Variants in PXDNL observed in about 807,000 individuals in gnomAD.
PXDNL encodes probable oxidoreductase PXDNL.
In PXDNL, 145 loss-of-function variants were observed where a neutral mutation model predicts 150.8. The ratio of observed to expected loss-of-function variants is 0.96; its 90% CI spans 0.84 to 1.10. PXDNL has a LOEUF of 1.10. Among genes scored for constraint, PXDNL ranks in the 50% least tolerant of loss-of-function variants. The probability of loss-of-function intolerance (pLI) is 0.00; values close to 1 mark genes in which losing one functional copy is unlikely to be tolerated. For missense variants in PXDNL, 2,087 were observed against 1,873.9 expected, an observed-to-expected ratio of 1.11 and a Z score of -2.10; for synonymous variants, 757 against 725.7, an observed-to-expected ratio of 1.04 and a Z score of -0.69.
intron 14 of PXDNL, among the ~76,000 whole-genome samples, chr8:51,416,281 A>C (rs1025814885): frequency 1.3e-5 from 2 of 152,260 alleles, no homozygotes; most frequent in Non-Finnish European, 2.9e-5. Flanking sequence ...TTGAGATGCC[A>C]AAACTTAAAA....
In PXDNL at chr8:51,563,591, T is replaced by C. The variant is rs1220043000; in HGVS notation, c.309-6680A>G. On this transcript the variant is annotated intron_variant, in intron 3 of 22. Transcript: ENST00000356297. ...AGTAACAGAGATTCTGAATGGACTC[T>C]ATTTACCCCAAATGGTAAATTTACC... 2.0e-5 allele frequency among the ~76,000 whole-genome samples: 3 copies of C among 152,016 alleles called. No individual in the cohort carries two copies. In the South Asian group the frequency reaches 6.2e-4, roughly 31 times the overall value.
chr8:51,509,743 C>T (rs3097698), intron 4 of PXDNL, among the ~76,000 whole-genome samples: 5,646 of 50,284 alleles, frequency 0.11, 142 homozygotes, highest in African/African-American at 0.29. Context: ...TACATATATA[C>T]ACACACACAC....
intron 12 of PXDNL, among the ~76,000 whole-genome samples, chr8:51,431,269 AAAAC>A (rs1809239963): frequency 6.6e-6 from 1 of 152,172 alleles, no homozygotes; most frequent in South Asian, 2.1e-4. Context: ...ATACCTAGGA[AAAAC>A]AGGCCCTTCC....
At chr8:51,579,854 T>C (rs1004473261) in intron 3 of PXDNL, among the ~76,000 whole-genome samples, 1 of 151,922 alleles carries the variant, frequency 6.6e-6, no homozygotes, top group African/African-American at 2.4e-5. Flanking sequence ...ATGATGCTGA[T>C]GAAAAAAGGC....
intron 12 of PXDNL, chr8:51,436,251 G>T (rs1809405348): frequency 2.0e-6 from 1 of 510,654 alleles, no homozygotes. Flanking sequence ...ATAGGATATG[G>T]TTTCAGAAGT....
At chr8:51,553,230 G>A (rs936461771) in intron 4 of PXDNL, among the ~76,000 whole-genome samples, 4 of 152,150 alleles carry the variant, frequency 2.6e-5, no homozygotes, top group African/African-American at 9.7e-5. Flanking sequence ...TTGAAGTCTT[G>A]TGCTGCAAGC....
intron 12 of PXDNL, among the ~76,000 whole-genome samples, chr8:51,443,844 C>T (rs900235560): frequency 6.6e-6 from 1 of 152,086 alleles, no homozygotes; most frequent in African/African-American, 2.4e-5. Flanking sequence ...TAACTGTAAA[C>T]ATTCCTTTAT....
intron 2 of PXDNL, among the ~76,000 whole-genome samples, chr8:51,635,674 G>T (rs1293134160): frequency 6.6e-6 from 1 of 151,942 alleles, no homozygotes; most frequent in East Asian, 1.9e-4. Flanking sequence ...AAATCTGAGT[G>T]GGGGGCGAAG....
intron 1 of PXDNL, among the ~76,000 whole-genome samples, chr8:51,714,843 C>T (rs1267036182): frequency 6.6e-6 from 1 of 152,152 alleles, no homozygotes; most frequent in African/African-American, 2.4e-5. Context: ...AATTCAAAAG[C>T]TGCAATTGTC....
intron 5 of PXDNL, among the ~76,000 whole-genome samples, chr8:51,497,680 A>T (rs535409702): frequency 1.6e-4 from 24 of 152,366 alleles, no homozygotes; most frequent in Non-Finnish European, 2.6e-4. Flanking sequence ...ACTTAAAAAA[A>T]TGCTCATCAT....
intron 1 of PXDNL, among the ~76,000 whole-genome samples, chr8:51,805,308 T>C (rs187409011): frequency 2.0e-5 from 3 of 149,392 alleles, no homozygotes; most frequent in Non-Finnish European, 4.4e-5. Flanking sequence ...TTGTATTTTA[T>C]ATATACATAT....
At chr8:51,644,929 G>A (rs1219890381) in intron 2 of PXDNL, among the ~76,000 whole-genome samples, 1 of 151,834 alleles carries the variant, frequency 6.6e-6, no homozygotes, top group Admixed American at 6.6e-5. Context: ...AATCAGTCAG[G>A]GTTCTCCAGA....
At chr8:51,376,043 A>G (rs34338000) in intron 17 of PXDNL, among the ~76,000 whole-genome samples, 2,400 of 152,368 alleles carry the variant, frequency 0.016, 63 homozygotes, top group Admixed American at 0.06. Context: ...AGAGTATAGT[A>G]TCTTCAATTT....
chr8:51,505,467 T>G (rs1585533593), intron 4 of PXDNL, among the ~76,000 whole-genome samples: 1 of 152,192 alleles, frequency 6.6e-6, no homozygotes, highest in Non-Finnish European at 1.5e-5. Flanking sequence ...AACACTATAT[T>G]TATCTGTATC....
intron 4 of PXDNL, among the ~76,000 whole-genome samples, chr8:51,548,654 A>G (rs1010551195): frequency 5.3e-5 from 8 of 152,194 alleles, no homozygotes; most frequent in Admixed American, 3.9e-4. Context: ...ATTCACCTCT[A>G]TCAACCCAGC....
At chr8:51,480,887 C>T (rs1048775282) in intron 6 of PXDNL, among the ~76,000 whole-genome samples, 10 of 152,172 alleles carry the variant, frequency 6.6e-5, no homozygotes, top group African/African-American at 2.4e-4. Context: ...GTCCATTAAA[C>T]CTCTTTTTCT....
At chr8:51,507,944 G>A (rs552051002) in intron 4 of PXDNL, among the ~76,000 whole-genome samples, 2 of 152,170 alleles carry the variant, frequency 1.3e-5, no homozygotes, top group Admixed American at 6.5e-5. Context: ...TGGTGGTGAC[G>A]ATGCCTGCCA....
At chr8:51,733,252 TA>T (rs1301326393) in intron 1 of PXDNL, among the ~76,000 whole-genome samples, 1 of 152,230 alleles carries the variant, frequency 6.6e-6, no homozygotes, top group African/African-American at 2.4e-5. Flanking sequence ...TTCTGAAGAA[TA>T]CAGATAAGTA....
chr8:51,415,899 T>C (rs1253191867), intron 14 of PXDNL, among the ~76,000 whole-genome samples: 3 of 152,222 alleles, frequency 2.0e-5, no homozygotes, highest in Admixed American at 6.5e-5. Flanking sequence ...ATTACTGTGA[T>C]TATAAGAAAA....
Sources: gnomAD v4.1 joint callset for allele counts (sites outside exome capture counted in the v4.1 genomes callset) on GRCh38, gnomAD v4.1.1 for gene constraint, MANE v1.5 for transcripts, NCBI Gene and HGNC (gene_info 2026-07-23, HGNC 2026-07-21) for gene names.